Variants in TGFBR2 observed in about 807,000 individuals in gnomAD.
The protein encoded by TGFBR2 is transforming growth factor beta receptor 2, also known as TGF-beta receptor type-2.
Under a neutral mutation model 49.0 loss-of-function variants are expected in TGFBR2, and 18 were observed. The observed-to-expected ratio is 0.37, with a 90% CI of 0.25 to 0.54. TGFBR2 has a LOEUF of 0.54. TGFBR2 is among the 20% of genes least tolerant of loss of function. TGFBR2 has a pLI of 0.85. For synonymous variants in TGFBR2, 282 were observed against 275.9 expected, an observed-to-expected ratio of 1.02 and a Z score of -0.22; for missense variants, 525 against 722.6, an observed-to-expected ratio of 0.73 and a Z score of 3.13.
Position 30,688,521 on chromosome 3 carries a change from G to A in TGFBR2, c.1524+10G>A, listed in dbSNP as rs377397188. On this transcript the variant is annotated intron_variant, in intron 6 of 6. Coordinates refer to ENST00000295754, the MANE Select transcript of TGFBR2 (RefSeq NM_003242.6). Reference sequence around the variant, plus strand: ...CTGGCTCAACCACCAGGTAAGGAGTGAGTGTTTACAAAGGTCAGTAAGATT... The same window carrying A: ...CTGGCTCAACCACCAGGTAAGGAGTAAGTGTTTACAAAGGTCAGTAAGATT... 3.7e-6 allele frequency: 6 copies of A among 1,614,120 alleles called. No homozygotes were observed. The highest frequency in any genetic ancestry group is 1.7e-4 in the Middle Eastern group (1 of 6,060).
rs565691750 is a variant in TGFBR2, at chr3:30,619,540, G to C, written c.94+12563G>C. ...CACAGGACCAGTTTGATGACTACGT[G>C]CACAGATGAAGCCAAACCTCTTGCC... On this transcript the variant is annotated intron_variant, in intron 1 of 6. Transcript: ENST00000295754. Among the ~76,000 whole-genome samples the C allele has an allele frequency of 5.3e-5, 8 of 152,234 alleles. No homozygotes were observed. In the East Asian group the frequency reaches 1.5e-3, roughly 29 times the overall value.
At chr3:30,636,230 C>T (rs956514583) in intron 1 of TGFBR2, among the ~76,000 whole-genome samples, 5 of 150,414 alleles carry the variant, frequency 3.3e-5, no homozygotes, top group African/African-American at 9.8e-5. Flanking sequence ...CGTGAGCCAC[C>T]GCACCCGGCC....
At chr3:30,627,407 C>T (rs1374349814) in intron 1 of TGFBR2, among the ~76,000 whole-genome samples, 2 of 151,898 alleles carry the variant, frequency 1.3e-5, no homozygotes, top group Non-Finnish European at 2.9e-5. Context: ...ACATCTAATG[C>T]CATTTTAATG....
chr3:30,606,361 T>G, upstream of TGFBR2: 1 of 224,420 alleles, frequency 4.5e-6, no homozygotes, highest in East Asian at 6.3e-5. Context: ...TAGTCATTCT[T>G]GAGTAAATAC....
intron 1 of TGFBR2, among the ~76,000 whole-genome samples, chr3:30,617,709 T>C (rs1338920396): frequency 2.0e-5 from 3 of 152,100 alleles, no homozygotes; most frequent in Non-Finnish European, 4.4e-5. Context: ...AAAATGATGG[T>C]TTCCTATCAT....
chr3:30,651,436 A>G (rs17025963), intron 3 of TGFBR2, among the ~76,000 whole-genome samples: 1,874 of 152,184 alleles, frequency 0.012, 30 homozygotes, highest in Admixed American at 0.037. Context: ...CCACTCATCC[A>G]TCTTTCAGTA....
chr3:30,662,721 C>T (rs1440483718), intron 3 of TGFBR2, among the ~76,000 whole-genome samples: 1 of 152,150 alleles, frequency 6.6e-6, no homozygotes, highest in Non-Finnish European at 1.5e-5. Context: ...ACTCCTCCAC[C>T]AGTTAATTGA....
intron 5 of TGFBR2, among the ~76,000 whole-genome samples, chr3:30,675,618 C>A (rs1262998996): frequency 6.6e-6 from 1 of 152,174 alleles, no homozygotes; most frequent in African/African-American, 2.4e-5. Context: ...AACTCTTGAC[C>A]TCATGATCTG....
At position 30,690,169 on chromosome 3, in the gene TGFBR2, G is replaced by A. The variant is rs190482213; in HGVS notation, c.1525-1251G>A. ...ATCCATCCCACTCCCAGCCACCTGTGTGAGGGATCCCATTAGCAATGTTGA... is the reference window on the plus strand; with the variant it reads ...ATCCATCCCACTCCCAGCCACCTGTATGAGGGATCCCATTAGCAATGTTGA... On this transcript the variant is annotated intron_variant, in intron 6 of 6. Transcript: ENST00000295754. Among the ~76,000 whole-genome samples the A allele has an allele frequency of 2.6e-5, 4 of 152,344 alleles. No individual in the cohort carries two copies. The East Asian group carries it at 7.7e-4, about 29-fold the overall frequency.
In TGFBR2 at chr3:30,623,422, C is replaced by A. The variant is rs181336337; in HGVS notation, c.94+16445C>A. 9 of 988,972 alleles carry A rather than the reference C, an allele frequency of 9.1e-6. No individual in the cohort carries two copies. In the East Asian group the frequency reaches 2.3e-4, roughly 25 times the overall value. 61.3% of individuals were successfully genotyped at this position (988,972 alleles called of 1,614,324 possible). On this transcript the variant is annotated intron_variant, in intron 1 of 6. Coordinates refer to ENST00000295754, the MANE Select transcript of TGFBR2 (RefSeq NM_003242.6). ...AGCTAAATTGTTAAAGAGGCGATGG[C>A]AGTGTACTCATCAGGAGACTTGTTC... is the stretch of plus-strand genomic sequence containing the variant.
At chr3:30,616,709 C>G (rs1272710311) in intron 1 of TGFBR2, among the ~76,000 whole-genome samples, 2 of 152,054 alleles carry the variant, frequency 1.3e-5, no homozygotes, top group Non-Finnish European at 2.9e-5. Flanking sequence ...AGAAAACTAA[C>G]AAAAGTCATG....
chr3:30,624,619 G>GAA (rs372402705), intron 1 of TGFBR2, among the ~76,000 whole-genome samples: 7 of 140,786 alleles, frequency 5.0e-5, no homozygotes, highest in Non-Finnish European at 6.2e-5. Context: ...CGTCTCAAAG[G>GAA]AAAAAAAAAA....
intron 1 of TGFBR2, among the ~76,000 whole-genome samples, chr3:30,622,606 G>C (rs941644290): frequency 1.6e-4 from 24 of 152,120 alleles, no homozygotes; most frequent in African/African-American, 5.8e-4. Flanking sequence ...GTACCAGCCA[G>C]TGCAATGGCT....
chr3:30,669,738 C>T (rs201452064), intron 3 of TGFBR2, among the ~76,000 whole-genome samples: 59 of 152,318 alleles, frequency 3.9e-4, no homozygotes, highest in African/African-American at 1.3e-3. Context: ...GGCATTCACC[C>T]GTGCAAGCTC....
chr3:30,628,753 T>A (rs963729867), intron 1 of TGFBR2, among the ~76,000 whole-genome samples: 7 of 152,106 alleles, frequency 4.6e-5, no homozygotes, highest in Non-Finnish European at 1.0e-4. Context: ...CCAGCTGACA[T>A]GAGCCTTTAC....
Position 30,688,418 on chromosome 3 carries a change from G to A in TGFBR2, c.1431G>A (p.Lys477=). 6.2e-7 allele frequency: 1 copy of A among 1,614,210 alleles called. No individual in the cohort carries two copies. Among genetic ancestry groups the A allele is most frequent in the South Asian group, 1.1e-5 (1 of 91,090 alleles). The change falls in exon 6 of 7, where the codon AAG becomes AAA. Residue 477 remains lysine, a synonymous_variant. Transcript: ENST00000295754. ...ATTATGAGCCTCCATTTGGTTCCAA[G>A]GTGCGGGAGCACCCCTGTGTCGAAA... ...VKDYEPPFGS[K]VREHPCVESM...
At chr3:30,687,065 G>C (rs537123862) in intron 5 of TGFBR2, among the ~76,000 whole-genome samples, 2 of 152,078 alleles carry the variant, frequency 1.3e-5, no homozygotes, top group African/African-American at 2.4e-5. Flanking sequence ...AAAATAAGCA[G>C]GTGAATATAT....
chr3:30,673,895 G>A (rs1035859910), intron 4 of TGFBR2, among the ~76,000 whole-genome samples: 15 of 152,142 alleles, frequency 9.9e-5, no homozygotes, highest in Middle Eastern at 3.4e-3. Context: ...CTTTGTTTAT[G>A]GTCTTTAGAG....
intron 1 of TGFBR2, 48 bp downstream of exon 1, chr3:30,607,025 G>C: frequency 6.7e-7 from 1 of 1,500,848 alleles, no homozygotes; most frequent in South Asian, 1.2e-5. Context: ...GGGTCTTCCT[G>C]GGGTCCCCGC....
Sources: gnomAD v4.1 joint callset for allele counts (sites outside exome capture counted in the v4.1 genomes callset) on GRCh38, gnomAD v4.1.1 for gene constraint, MANE v1.5 for transcripts, NCBI Gene and HGNC (gene_info 2026-07-23, HGNC 2026-07-21) for gene names.